Variants in RAD51B observed in about 807,000 individuals in gnomAD.
The protein encoded by RAD51B is DNA repair protein RAD51 homolog 2.
Under a neutral mutation model 42.2 loss-of-function variants are expected in RAD51B, and 38 were observed. The ratio of observed to expected loss-of-function variants is 0.90; its 90% CI spans 0.70 to 1.18. The LOEUF is 1.18. Among genes scored for constraint, RAD51B ranks in the 50% most tolerant of loss-of-function variants. The pLI is 0.00. For synonymous variants in RAD51B, 154 were observed against 145.2 expected, an observed-to-expected ratio of 1.06 and a Z score of -0.43; for missense variants, 373 against 400.7, an observed-to-expected ratio of 0.93 and a Z score of 0.59.
chr14:68,562,828 G>A (rs1294461905), intron 10 of RAD51B: 1 of 985,266 alleles, frequency 1.0e-6, no homozygotes, highest in African/African-American at 1.7e-5. Flanking sequence ...GTATTCCAAG[G>A]CCAGAGAAGT....
At chr14:67,940,040 A>ATATC (rs2045115192) in intron 7 of RAD51B, among the ~76,000 whole-genome samples, 1 of 10,812 alleles carries the variant, frequency 9.2e-5, no homozygotes, top group Non-Finnish European at 2.8e-4. Context: ...ATATATATAT[A>ATATC]TATATATATA....
intron 10 of RAD51B, among the ~76,000 whole-genome samples, chr14:68,476,800 C>T (rs1461984477): frequency 6.6e-6 from 1 of 152,202 alleles, no homozygotes; most frequent in Non-Finnish European, 1.5e-5. Context: ...AAAAATCTTC[C>T]TATCTACCTA....
chr14:68,296,932 T>C (rs1439565083), intron 8 of RAD51B, among the ~76,000 whole-genome samples: 1 of 152,174 alleles, frequency 6.6e-6, no homozygotes, highest in Admixed American at 6.5e-5. Context: ...ACAAGAGAAA[T>C]AGCAGCACTT....
At chr14:68,195,033 G>A (rs1052412697) in intron 7 of RAD51B, among the ~76,000 whole-genome samples, 1 of 152,164 alleles carries the variant, frequency 6.6e-6, no homozygotes, top group Non-Finnish European at 1.5e-5. Context: ...GGCAAGCACT[G>A]TGGTAGGACC....
At chr14:68,013,723 A>T (rs1020073713) in intron 7 of RAD51B, among the ~76,000 whole-genome samples, 1 of 152,222 alleles carries the variant, frequency 6.6e-6, no homozygotes, top group Non-Finnish European at 1.5e-5. Context: ...TTATTTAAAC[A>T]TTAAATATTT....
intron 7 of RAD51B, among the ~76,000 whole-genome samples, chr14:68,237,828 C>T (rs905973740): frequency 8.0e-5 from 12 of 150,062 alleles, no homozygotes; most frequent in Non-Finnish European, 1.0e-4. Flanking sequence ...CTCTGCCTCC[C>T]GGTTCAAGTG....
chr14:68,558,392 G>T (rs530252995), intron 10 of RAD51B, among the ~76,000 whole-genome samples: 1 of 152,188 alleles, frequency 6.6e-6, no homozygotes, highest in Non-Finnish European at 1.5e-5. Context: ...CTAGCCACGC[G>T]GGTACTTTAC....
chr14:68,401,864 G>A (rs143077932), intron 8 of RAD51B, among the ~76,000 whole-genome samples: 10 of 152,128 alleles, frequency 6.6e-5, no homozygotes, highest in East Asian at 3.9e-4. Flanking sequence ...ATATTTTTTC[G>A]TATCTAAAAT....
At chr14:68,294,492 T>C (rs1466963992) in intron 8 of RAD51B, among the ~76,000 whole-genome samples, 1 of 152,196 alleles carries the variant, frequency 6.6e-6, no homozygotes, top group Non-Finnish European at 1.5e-5. Context: ...TATAAATTGC[T>C]CTGTTTTGCT....
intron 7 of RAD51B, among the ~76,000 whole-genome samples, chr14:67,968,699 T>C (rs1347907188): frequency 1.3e-5 from 2 of 152,204 alleles, no homozygotes; most frequent in African/African-American, 4.8e-5. Context: ...AGCATTTTTG[T>C]CAAAGCCATT....
At chr14:68,443,893 A>C (rs1182411642) in intron 9 of RAD51B, among the ~76,000 whole-genome samples, 1 of 152,084 alleles carries the variant, frequency 6.6e-6, no homozygotes, top group Admixed American at 6.5e-5. Flanking sequence ...TTCTCTAGTG[A>C]GGGATGAATT....
At chr14:68,556,650 A>G (rs1888861427) in intron 10 of RAD51B, among the ~76,000 whole-genome samples, 1 of 152,216 alleles carries the variant, frequency 6.6e-6, no homozygotes, top group Non-Finnish European at 1.5e-5. Context: ...CACTGCAGGA[A>G]ACCCCTGCAT....
At chr14:68,076,977 G>A (rs1421833680) in intron 7 of RAD51B, among the ~76,000 whole-genome samples, 1 of 152,042 alleles carries the variant, frequency 6.6e-6, no homozygotes, top group Non-Finnish European at 1.5e-5. Flanking sequence ...CAGTCTATGT[G>A]CCTTTAAATT....
At chr14:68,041,892 T>C (rs2076223775) in intron 7 of RAD51B, among the ~76,000 whole-genome samples, 2 of 152,190 alleles carry the variant, frequency 1.3e-5, no homozygotes, top group South Asian at 4.1e-4. Flanking sequence ...TTCTCACTTT[T>C]GCTGTTGTTG....
intron 7 of RAD51B, among the ~76,000 whole-genome samples, chr14:68,288,554 A>C (rs2081456668): frequency 6.6e-6 from 1 of 152,234 alleles, no homozygotes; most frequent in African/African-American, 2.4e-5. Flanking sequence ...TCTGTAAGGT[A>C]GCATTTCATT....
chr14:68,454,397 T>C (rs905633967), intron 9 of RAD51B, among the ~76,000 whole-genome samples: 3 of 149,080 alleles, frequency 2.0e-5, no homozygotes, highest in Non-Finnish European at 4.4e-5. Flanking sequence ...AAATAAAGGC[T>C]CACAACAGTC....
At chr14:67,904,146 C>T (rs1489455731) in intron 7 of RAD51B, among the ~76,000 whole-genome samples, 4 of 151,944 alleles carry the variant, frequency 2.6e-5, no homozygotes, top group Admixed American at 6.6e-5. Flanking sequence ...TTCTTTATCT[C>T]GTTCACCGTT....
chr14:68,130,852 C>T (rs2077874663), intron 7 of RAD51B, among the ~76,000 whole-genome samples: 1 of 151,976 alleles, frequency 6.6e-6, no homozygotes, highest in Admixed American at 6.6e-5. Flanking sequence ...GTTCTTAATG[C>T]CTGATCTATA....
At chr14:67,923,112 C>T (rs2044381800) in intron 7 of RAD51B, among the ~76,000 whole-genome samples, 1 of 152,156 alleles carries the variant, frequency 6.6e-6, no homozygotes, top group African/African-American at 2.4e-5. Flanking sequence ...TAAGTAAGAA[C>T]ATACAACGTT....
Sources: gnomAD v4.1 joint callset for allele counts (sites outside exome capture counted in the v4.1 genomes callset) on GRCh38, gnomAD v4.1.1 for gene constraint, MANE v1.5 for transcripts, NCBI Gene and HGNC (gene_info 2026-07-23, HGNC 2026-07-21) for gene names.